Variants in LPP observed in about 807,000 individuals in gnomAD.
LPP encodes the protein LIM domain containing preferred translocation partner in lipoma.
A neutral mutation model predicts 60.4 loss-of-function variants in LPP; 38 were observed. That is an observed-to-expected ratio of 0.63 (90% CI 0.49 to 0.83). The LOEUF (loss-of-function observed/expected upper bound fraction) is 0.83, where lower values mean the gene tolerates loss of function less well. Ranked by LOEUF, LPP falls within the 40% of genes least tolerant of loss-of-function variation. The probability of loss-of-function intolerance (pLI) is 0.00; values close to 1 mark genes in which losing one functional copy is unlikely to be tolerated. For missense variants in LPP, 902 were observed against 783.6 expected, an observed-to-expected ratio of 1.15 and a Z score of -1.80; for synonymous variants, 328 against 290.8, an observed-to-expected ratio of 1.13 and a Z score of -1.30.
intron 7 of LPP, among the ~76,000 whole-genome samples, chr3:188,662,128 G>A (rs753847671): frequency 6.6e-6 from 1 of 152,240 alleles, no homozygotes; most frequent in Non-Finnish European, 1.5e-5. Flanking sequence ...TCTCAGTTAT[G>A]CGACATAGTG....
intron 9 of LPP, among the ~76,000 whole-genome samples, chr3:188,766,600 A>G (rs1213671109): frequency 1.3e-5 from 2 of 152,162 alleles, no homozygotes; most frequent in Non-Finnish European, 2.9e-5. Context: ...GTCAGAGCTA[A>G]TACTTGACCC....
At chr3:188,392,846 G>A (rs1292073910) in intron 3 of LPP, among the ~76,000 whole-genome samples, 1 of 152,068 alleles carries the variant, frequency 6.6e-6, no homozygotes, top group Non-Finnish European at 1.5e-5. Flanking sequence ...ACTGCACGTG[G>A]AATTAATAGG....
intron 7 of LPP, among the ~76,000 whole-genome samples, chr3:188,635,098 G>A (rs1322981593): frequency 6.6e-6 from 1 of 152,084 alleles, no homozygotes. Flanking sequence ...TTCTTGTTGT[G>A]AGTTGCAAAC....
intron 1 of LPP, among the ~76,000 whole-genome samples, chr3:188,160,528 G>C (rs1349651742): frequency 6.6e-6 from 1 of 152,184 alleles, no homozygotes; most frequent in Non-Finnish European, 1.5e-5. Flanking sequence ...TTCTTATGCT[G>C]TTTTCTCTAC....
chr3:188,256,592 A>C (rs1440796213), intron 2 of LPP, among the ~76,000 whole-genome samples: 2 of 152,226 alleles, frequency 1.3e-5, no homozygotes, highest in African/African-American at 4.8e-5. Context: ...AGATAAATTA[A>C]AAGTAGAGTG....
chr3:188,598,282 T>C (rs1840373685), intron 6 of LPP, among the ~76,000 whole-genome samples: 1 of 152,112 alleles, frequency 6.6e-6, no homozygotes, highest in African/African-American at 2.4e-5. Context: ...AGGAAGGCAA[T>C]GATCATATTT....
chr3:188,285,194 AT>A (rs1048297710), intron 2 of LPP, among the ~76,000 whole-genome samples: 5 of 152,040 alleles, frequency 3.3e-5, no homozygotes, highest in African/African-American at 1.2e-4. Context: ...ATTTATTGTG[AT>A]AGTGCTTTGC....
At chr3:188,725,780 T>A (rs999087093) in intron 8 of LPP, among the ~76,000 whole-genome samples, 17 of 152,106 alleles carry the variant, frequency 1.1e-4, no homozygotes. Context: ...TTTGGTGATA[T>A]GGGAGGAAAG....
intron 2 of LPP, among the ~76,000 whole-genome samples, chr3:188,306,121 C>T (rs185305246): frequency 6.6e-4 from 101 of 152,234 alleles, no homozygotes; most frequent in Non-Finnish European, 1.1e-3. Flanking sequence ...CACTCTTTCA[C>T]CTAGGTTGGA....
At chr3:188,179,837 T>C (rs1175619190) in intron 1 of LPP, 1 of 276,742 alleles carries the variant, frequency 3.6e-6, no homozygotes, top group African/African-American at 2.2e-5. Flanking sequence ...TTGGGTCCAT[T>C]TGACAGATAA....
intron 1 of LPP, among the ~76,000 whole-genome samples, chr3:188,197,869 A>G (rs984185712): frequency 6.6e-6 from 1 of 152,202 alleles, no homozygotes; most frequent in African/African-American, 2.4e-5. Context: ...ACATTTTTCC[A>G]TTAGGCGTGC....
chr3:188,857,376 C>T (rs146318092), intron 9 of LPP, among the ~76,000 whole-genome samples: 1 of 152,174 alleles, frequency 6.6e-6, no homozygotes, highest in South Asian at 2.1e-4. Context: ...GAAGAATGAG[C>T]CTTTCTCTTT....
At chr3:188,200,283 C>G (rs1209343615) in intron 1 of LPP, among the ~76,000 whole-genome samples, 1 of 142,560 alleles carries the variant, frequency 7.0e-6, no homozygotes, top group Non-Finnish European at 1.5e-5. Flanking sequence ...GAGTTTCACT[C>G]TTGTTGCCCA....
chr3:188,695,862 A>G (rs1167213675), intron 7 of LPP, among the ~76,000 whole-genome samples: 1 of 152,224 alleles, frequency 6.6e-6, no homozygotes, highest in Non-Finnish European at 1.5e-5. Flanking sequence ...AGACCATGTA[A>G]GTTTCATATT....
At chr3:188,764,726 G>C (rs1048910891) in intron 9 of LPP, among the ~76,000 whole-genome samples, 13 of 152,174 alleles carry the variant, frequency 8.5e-5, no homozygotes, top group African/African-American at 3.1e-4. Context: ...TCTGGGCCTA[G>C]GGACAGAGTG....
chr3:188,766,378 C>CAAAAAAAAAAAAAAAAAAAAAAAAAAAA (rs142374028), intron 9 of LPP, among the ~76,000 whole-genome samples: 29 of 124,490 alleles, frequency 2.3e-4, no homozygotes, highest in Non-Finnish European at 2.4e-4. Flanking sequence ...CCTTAAAAAG[C>CAAAAAAAAAAAAAAAAAAAAAAAAAAAA]AAAAAAAAAA....
chr3:188,306,226 G>C (rs1226142060), intron 2 of LPP, among the ~76,000 whole-genome samples: 1 of 151,170 alleles, frequency 6.6e-6, no homozygotes, highest in African/African-American at 2.4e-5. Flanking sequence ...GATTGCAGGT[G>C]TGCACCACCA....
chr3:188,559,200 T>A (rs1490564751), intron 6 of LPP, among the ~76,000 whole-genome samples: 1 of 152,118 alleles, frequency 6.6e-6, no homozygotes, highest in Non-Finnish European at 1.5e-5. Context: ...GAGTAATTCC[T>A]TGTGATGACA....
intron 8 of LPP, chr3:188,712,495 A>C (rs1711960983): frequency 6.6e-6 from 1 of 152,298 alleles, no homozygotes; most frequent in Admixed American, 6.5e-5. Flanking sequence ...CGGAAAGAAT[A>C]CATAGCAGTG....
Sources: allele counts gnomAD v4.1 joint callset (sites outside exome capture counted in the v4.1 genomes callset), GRCh38; gene constraint gnomAD v4.1.1; transcripts MANE v1.5; gene names NCBI Gene and HGNC (gene_info 2026-07-23, HGNC 2026-07-21).